REXO1: variants seen among roughly 807,000 people sequenced by gnomAD.
REXO1 encodes the protein REX1, RNA exonuclease 1 homolog.
Under a neutral mutation model 102.6 loss-of-function variants are expected in REXO1, and 42 were observed. That is an observed-to-expected ratio of 0.41 (90% CI 0.32 to 0.53). The LOEUF (loss-of-function observed/expected upper bound fraction) is 0.53. Ranked by LOEUF, REXO1 falls within the 20% of genes least tolerant of loss-of-function variation. The pLI is 0.27. For synonymous variants in REXO1, 908 were observed against 779.1 expected (o/e 1.17, Z -2.76); for missense variants, 1,819 against 1,732.5 (o/e 1.05, Z -0.89).
intron 1 of REXO1, among the ~76,000 whole-genome samples, chr19:1,847,919 C>A (rs998817814): frequency 6.6e-6 from 1 of 152,208 alleles, no homozygotes; most frequent in Non-Finnish European, 1.5e-5. Context: ...AGGCCCGGTG[C>A]CCGGTACTCA....
rs2145237579 is a variant in REXO1, at chr19:1,819,091, C to G, written c.2691G>C (p.Leu897Phe). The change falls in exon 8 of 16, where the codon TTG (leucine) becomes TTC (phenylalanine). Residue 897 changes from leucine to phenylalanine, a missense_variant. Coordinates refer to ENST00000170168, the MANE Select transcript of REXO1 (RefSeq NM_020695.4). ...GRRVVSHEVVLGGRLAAKTSF... is the reference protein window; with the variant it reads ...GRRVVSHEVVFGGRLAAKTSF... The stretch of plus-strand genomic sequence containing the variant: ...TGGTCTTGGCGGCCAACCTGCCCCC[C>G]AACACCACCTCGTGGGACACAACCC... 6.3e-7 allele frequency: 1 copy of G among 1,597,936 alleles called. No homozygotes were observed. The highest frequency in any genetic ancestry group is 2.2e-5 in the East Asian group (1 of 44,636).
At chr19:1,835,255 G>A (rs934626810) in intron 1 of REXO1, among the ~76,000 whole-genome samples, 6 of 152,104 alleles carry the variant, frequency 3.9e-5, no homozygotes, top group African/African-American at 7.2e-5. Context: ...TCTAAAGGCC[G>A]AGTTTGGGCC....
intron 1 of REXO1, among the ~76,000 whole-genome samples, chr19:1,846,105 C>T (rs866472662): frequency 7.9e-5 from 12 of 152,176 alleles, no homozygotes; most frequent in South Asian, 6.2e-4. Flanking sequence ...GGCCAGCGTT[C>T]CTGTCTATCT....
chr19:1,828,735 T>A, intron 1 of REXO1, 104 bp from the exon 2 acceptor site: 1 of 1,369,064 alleles, frequency 7.3e-7, no homozygotes, highest in South Asian at 1.5e-5. Context: ...GAGACCTGCC[T>A]CCGAAACCCA....
intron 1 of REXO1, among the ~76,000 whole-genome samples, chr19:1,838,421 C>T (rs1054301536): frequency 1.3e-5 from 2 of 151,750 alleles, no homozygotes; most frequent in African/African-American, 4.8e-5. Flanking sequence ...GAGTTCGAGA[C>T]CAGCCTGAGC....
chr19:1,839,689 C>A (rs1441864588), intron 1 of REXO1, among the ~76,000 whole-genome samples: 1 of 152,266 alleles, frequency 6.6e-6, no homozygotes, highest in Non-Finnish European at 1.5e-5. Context: ...AGAGGGCACG[C>A]AGCCTGCAGG....
intron 4 of REXO1, chr19:1,822,006 A>G: frequency 1.9e-6 from 1 of 529,486 alleles, no homozygotes; most frequent in Non-Finnish European, 3.3e-6. Context: ...GCTCCCGGAC[A>G]GAGGACCGAA....
intron 1 of REXO1, among the ~76,000 whole-genome samples, chr19:1,830,339 T>G (rs1316458788): frequency 1.3e-5 from 2 of 152,080 alleles, no homozygotes; most frequent in Non-Finnish European, 2.9e-5. Flanking sequence ...AGATCCCATC[T>G]CTTAAAAAAA....
intron 1 of REXO1, among the ~76,000 whole-genome samples, chr19:1,841,288 G>GT (rs890892050): frequency 1.1e-4 from 16 of 152,254 alleles, no homozygotes; most frequent in Admixed American, 6.5e-5. Flanking sequence ...CGCGGACAGC[G>GT]TAAGGAACAA....
intron 7 of REXO1, 140 bp from the exon 8 acceptor site, chr19:1,819,271 G>A (rs1874967683): frequency 1.5e-6 from 1 of 655,470 alleles, no homozygotes. Flanking sequence ...ACTGACCCCG[G>A]GTTCCAGCCT....
At position 1,816,678 on chromosome 19, in the gene REXO1, G is replaced by A. The variant is rs768065363; in HGVS notation, c.3317+20C>T. ...AGGCGGCTGGGAGGGCTCCCAGCTC[G>A]TGGAGGGCACTGGCCACACCTGGTG... On this transcript the variant is annotated intron_variant, in intron 13 of 15. Transcript: ENST00000170168. 9 of 1,609,218 alleles carry A rather than the reference G, an allele frequency of 5.6e-6. No individual in the cohort carries two copies. The highest frequency in any genetic ancestry group is 5.4e-5 in the African/African-American group (4 of 74,730).
Position 1,827,550 on chromosome 19 carries a change from C to T in REXO1, c.1239G>A (p.Ala413=), listed in dbSNP as rs779159322. ...GRGRPVEKPR[A]DKKGPQASSP... is the part of the protein sequence containing the mutation. ...TGCTGGCCTGCGGGCCCTTCTTGTC[C>T]GCACGGGGCTTCTCCACAGGCCGCC... is the stretch of plus-strand genomic sequence containing the variant. The change falls in exon 2 of 16, where the codon GCG becomes GCA. Residue 413 remains alanine, a synonymous_variant. Transcript: ENST00000170168. The T allele has an allele frequency of 3.2e-5, 51 of 1,591,804 alleles. No individual in the cohort carries two copies. The highest frequency in any genetic ancestry group is 4.0e-5 in the Non-Finnish European group (47 of 1,175,752).
intron 11 of REXO1, 184 bp downstream of exon 11, chr19:1,817,523 G>C: frequency 6.8e-7 from 1 of 1,466,092 alleles, no homozygotes; most frequent in Non-Finnish European, 9.0e-7. Context: ...CCCAGGATGG[G>C]AAGTGGCCAG....
Position 1,826,845 on chromosome 19 carries a change from C to T in REXO1, c.1911+33G>A, listed in dbSNP as rs1436590612. On this transcript the variant is annotated intron_variant, in intron 2 of 15. Coordinates refer to ENST00000170168, the MANE Select transcript of REXO1 (RefSeq NM_020695.4). The surrounding 1 kb of genome is among the most constrained non-coding windows in gnomAD (Gnocchi z 4.3). ...CACCAGGCCCTCGGCTCTGCCTCTG[C>T]CCGAGCCCAGCCCCAGCACCCGCGC... 20 of 1,552,350 alleles carry T rather than the reference C, an allele frequency of 1.3e-5. No homozygotes were observed. The highest frequency in any genetic ancestry group is 1.2e-5 in the South Asian group (1 of 84,430).
chr19:1,846,230 G>A (rs2011530528), intron 1 of REXO1, among the ~76,000 whole-genome samples: 2 of 152,166 alleles, frequency 1.3e-5, no homozygotes, highest in African/African-American at 4.8e-5. Flanking sequence ...GTGTAAATCT[G>A]GAGGTGTGGA....
chr19:1,828,221 C>T lies in REXO1; in HGVS notation c.568G>A (p.Gly190Ser). The T allele has an allele frequency of 1.2e-6, 2 of 1,607,672 alleles. No individual in the cohort carries two copies. Among genetic ancestry groups the T allele is most frequent in the Admixed American group, 1.7e-5 (1 of 59,192 alleles). ...GCACCGCCACCCCCTCCACCTCTGC[C>T]CTGACCCCTGTCCAGGGACGCCAGC... is the stretch of plus-strand genomic sequence containing the variant. ...YSLASLDRGQGRGGGGGGALE... is the reference protein window; with the variant it reads ...YSLASLDRGQSRGGGGGGALE... Residue 190 changes from glycine (G) to serine (S), a missense_variant, in exon 2 of 16, where the codon GGC becomes AGC. Gly to Ser is a moderately conservative substitution (Grantham distance 56). Transcript: ENST00000170168.
chr19:1,822,028 G>A, intron 4 of REXO1: 1 of 511,788 alleles, frequency 2.0e-6, no homozygotes, highest in Non-Finnish European at 3.4e-6. Flanking sequence ...GGTCTCGGGT[G>A]CCCCCACCTG....
chr19:1,827,827 G>T lies in REXO1; in HGVS notation c.962C>A (p.Pro321Gln). 1 of 1,610,590 alleles carries T rather than the reference G, an allele frequency of 6.2e-7. No homozygotes were observed. The highest frequency in any genetic ancestry group is 8.5e-7 in the Non-Finnish European group (1 of 1,179,304). ...ADPEIKATGQ[P>Q]PSKEGLEAEG... is the part of the protein sequence containing the mutation. ...GGCCTCCAGGCCCTCTTTGGAGGGT[G>T]GCTGCCCGGTGGCCTTGATCTCAGG... is the stretch of plus-strand genomic sequence containing the variant. The change falls in exon 2 of 16, where the codon CCA becomes CAA. Residue 321 changes from proline to glutamine, a missense_variant. Pro to Gln is a moderately conservative substitution (Grantham distance 76). Coordinates refer to ENST00000170168, the MANE Select transcript of REXO1 (RefSeq NM_020695.4).
intron 1 of REXO1, among the ~76,000 whole-genome samples, chr19:1,829,216 T>C (rs944649923): frequency 6.6e-6 from 1 of 152,016 alleles, no homozygotes; most frequent in Non-Finnish European, 1.5e-5. Flanking sequence ...ACATGCCCAG[T>C]TGATGGGCCA....
Sources: gnomAD v4.1 joint callset for allele counts (sites outside exome capture counted in the v4.1 genomes callset) on GRCh38, gnomAD v4.1.1 for gene constraint, Gnocchi (gnomAD v3.1) non-coding constraint, MANE v1.5 for transcripts, NCBI Gene and HGNC (gene_info 2026-07-23, HGNC 2026-07-21) for gene names.